The following RAD21L1 variants were observed in gnomAD, a reference collection of about 807,000 sequenced individuals.
RAD21L1 encodes the protein double-strand-break repair protein rad21-like protein 1.
RAD21L1 carries 47 observed loss-of-function variants against 69.0 expected under a neutral mutation model. The ratio of observed to expected loss-of-function variants is 0.68; its 90% CI spans 0.54 to 0.87. The LOEUF (loss-of-function observed/expected upper bound fraction) is 0.87. Ranked by LOEUF, RAD21L1 falls within the 40% of genes least tolerant of loss-of-function variation. RAD21L1 has a pLI of 0.00. For missense variants in RAD21L1, 583 were observed against 647.6 expected, an observed-to-expected ratio of 0.90 and a Z score of 1.08; for synonymous variants, 177 against 205.8, an observed-to-expected ratio of 0.86 and a Z score of 1.20.
rs1233972783 is a variant in RAD21L1 at position 1,229,940 on chromosome 20, A to C, written c.205A>C (p.Arg69=). ...TTTGGGAGTTGTTCGAATCTATAAC[A>C]GGAAGGCAAAATATCTTTTGGCAGA... ...LLLGVVRIYN[R]KAKYLLADCS... Residue 69 remains arginine (R), a synonymous_variant, in exon 3 of 14, where the codon AGG becomes CGG. Coordinates refer to ENST00000683101, the MANE Select transcript of RAD21L1 (RefSeq NM_001384355.1). 1.3e-6 allele frequency: 2 copies of C among 1,550,712 alleles called. No individual in the cohort carries two copies. Among genetic ancestry groups the C allele is most frequent in the Admixed American group, 3.9e-5 (2 of 50,994 alleles).
At chr20:1,226,942 C>T (rs1428686469) in intron 1 of RAD21L1, among the ~76,000 whole-genome samples, 1 of 152,182 alleles carries the variant, frequency 6.6e-6, no homozygotes, top group Admixed American at 6.5e-5. Context: ...CGGAGTCGCC[C>T]TCTGTCGCCC....
At chr20:1,243,812 G>A (rs1377122481) in intron 10 of RAD21L1, among the ~76,000 whole-genome samples, 5 of 152,174 alleles carry the variant, frequency 3.3e-5, no homozygotes, top group African/African-American at 9.7e-5. Flanking sequence ...GTGTGAGAGC[G>A]TGTGTAGAGG....
At chr20:1,241,700 T>G (rs1276329009) in intron 8 of RAD21L1, among the ~76,000 whole-genome samples, 1 of 152,114 alleles carries the variant, frequency 6.6e-6, no homozygotes, top group Non-Finnish European at 1.5e-5. Flanking sequence ...TACATAGCCT[T>G]GGGGATCATC....
At chr20:1,230,303 A>G (rs1408877469) in intron 3 of RAD21L1, among the ~76,000 whole-genome samples, 1 of 152,174 alleles carries the variant, frequency 6.6e-6, no homozygotes, top group East Asian at 1.9e-4. Flanking sequence ...TTAATGGGTC[A>G]TTTAGTTTGT....
chr20:1,254,692 G>T lies in RAD21L1; in HGVS notation c.*235G>T, dbSNP rs1030682327. On this transcript the variant is annotated 3_prime_UTR_variant, in exon 14 of 14. Coordinates refer to ENST00000683101, the MANE Select transcript of RAD21L1 (RefSeq NM_001384355.1). The stretch of plus-strand genomic sequence containing the variant: ...TTTTGTTGTTTTTTTAAGGACAAAG[G>T]TCTCACTATATTGCCCAGGCTGGAC... Among the ~76,000 whole-genome samples, 4 of 152,036 alleles carry T rather than the reference G, an allele frequency of 2.6e-5. No individual in the cohort carries two copies. Among genetic ancestry groups the T allele is most frequent in the South Asian group, 4.2e-4 (2 of 4,808 alleles).
intron 1 of RAD21L1, among the ~76,000 whole-genome samples, chr20:1,228,154 A>C (rs1488964574): frequency 6.6e-5 from 10 of 152,174 alleles, no homozygotes; most frequent in Non-Finnish European, 1.2e-4. Flanking sequence ...TTTTGGATAA[A>C]ATAAGTGACA....
Position 1,240,382 on chromosome 20 carries a change from A to G in RAD21L1, c.804A>G (p.Ile268Met), listed in dbSNP as rs2087582303. The G allele has an allele frequency of 6.5e-7, 1 of 1,550,040 alleles. No individual in the cohort carries two copies. The highest frequency in any genetic ancestry group is 1.2e-5 in the South Asian group (1 of 83,642). The change falls in exon 8 of 14, where the codon ATA becomes ATG. Residue 268 changes from isoleucine (I) to methionine (M), a missense_variant. Transcript: ENST00000683101. ...AAAATGAAAAAATGAATGAAACAATATTATTATCAACTGAAGAGGAAGGAT... is the reference window on the plus strand; with the variant it reads ...AAAATGAAAAAATGAATGAAACAATGTTATTATCAACTGAAGAGGAAGGAT... ...VPENEKMNET[I>M]LLSTEEEGFT...
At chr20:1,242,475 C>T (rs562681126) in intron 8 of RAD21L1, 144 bp from the exon 9 acceptor site, 245 of 648,970 alleles carry the variant, frequency 3.8e-4, no homozygotes, top group African/African-American at 3.4e-3. Flanking sequence ...CCAAGCAATC[C>T]GCCCACCTCA....
At chr20:1,227,852 T>C (rs1370919095) in intron 1 of RAD21L1, among the ~76,000 whole-genome samples, 1 of 152,198 alleles carries the variant, frequency 6.6e-6, no homozygotes, top group Non-Finnish European at 1.5e-5. Context: ...CTTTATGGAA[T>C]GGAAACTCCA....
intron 4 of RAD21L1, among the ~76,000 whole-genome samples, chr20:1,233,619 T>C (rs775056562): frequency 1.3e-5 from 2 of 152,176 alleles, no homozygotes; most frequent in African/African-American, 4.8e-5. Flanking sequence ...GATGGCCTGC[T>C]TCCTGATTCA....
At chr20:1,252,578 T>C (rs2087856453) in intron 13 of RAD21L1, among the ~76,000 whole-genome samples, 1 of 152,220 alleles carries the variant, frequency 6.6e-6, no homozygotes, top group Admixed American at 6.5e-5. Flanking sequence ...TCCACAGCAC[T>C]AGTGCCCTAA....
rs1261691653 is a variant in RAD21L1, at chr20:1,238,197, C to G, written c.629C>G (p.Ala210Gly). 1.3e-6 allele frequency: 2 copies of G among 1,515,072 alleles called. No homozygotes were observed. The highest frequency in any genetic ancestry group is 2.8e-5 in the African/African-American group (2 of 72,684). 93.9% of individuals were successfully genotyped at this position (1,515,072 alleles called of 1,614,324 possible). A position where few individuals can be genotyped will look rare whatever the true frequency, so the allele number is the denominator to read the frequency against. The change falls in exon 6 of 14, where the codon GCT becomes GGT. Residue 210 changes from alanine (A) to glycine (G), a missense_variant. Ala to Gly is a moderately conservative substitution (Grantham distance 60). Transcript: ENST00000683101. ...GGAGATGGGTTTGGAGATGAAGGAG[C>G]TGCAGGAGAAATGATTGGTATGCTA... ...DSGDGFGDEG[A>G]AGEMIDNLLQ...
intron 3 of RAD21L1, among the ~76,000 whole-genome samples, chr20:1,230,310 T>G (rs1030054379): frequency 5.9e-5 from 9 of 152,306 alleles, no homozygotes; most frequent in Admixed American, 4.6e-4. Flanking sequence ...GTCATTTAGT[T>G]TGTCGTGCCT....
At chr20:1,250,810 GT>G (rs1409321040) in intron 13 of RAD21L1, among the ~76,000 whole-genome samples, 6 of 151,946 alleles carry the variant, frequency 3.9e-5, no homozygotes, top group African/African-American at 1.5e-4. Context: ...CATTTTTATG[GT>G]TTTGTAATAT....
chr20:1,233,351 G>A (rs1168790774), intron 4 of RAD21L1, among the ~76,000 whole-genome samples: 1 of 152,164 alleles, frequency 6.6e-6, no homozygotes, highest in African/African-American at 2.4e-5. Flanking sequence ...TGAGGACTTA[G>A]TATTTGGTCA....
chr20:1,235,916 C>T (rs203533), intron 5 of RAD21L1, among the ~76,000 whole-genome samples: 1,826 of 152,182 alleles, frequency 0.012, 35 homozygotes, highest in African/African-American at 0.042. Flanking sequence ...TACAGGCATG[C>T]ACCTCCGCAC....
In RAD21L1 at chr20:1,246,487, AT is replaced by A. The variant is rs1292170366; in HGVS notation, c.1401+189del. On this transcript the variant is annotated intron_variant, in intron 12 of 13. Coordinates refer to ENST00000683101, the MANE Select transcript of RAD21L1 (RefSeq NM_001384355.1). This position sits in a 1 kb window ranked among gnomAD's most constrained non-coding sequence, Gnocchi z 4.6. Reference sequence around the variant, plus strand: ...TGATAAAATATTCTGAATTGCTCTGATTTTTTTGTCTTTCTTTAATTTCTTT... The same window carrying A: ...TGATAAAATATTCTGAATTGCTCTGATTTTTTGTCTTTCTTTAATTTCTTT... Among the ~76,000 whole-genome samples the A allele has an allele frequency of 6.6e-6, 1 of 152,046 alleles. No individual in the cohort carries two copies. The highest frequency in any genetic ancestry group is 2.4e-5 in the African/African-American group (1 of 41,412).
At chr20:1,230,903 T>C (rs1323484287) in intron 3 of RAD21L1, 1 of 184,480 alleles carries the variant, frequency 5.4e-6, no homozygotes, top group Non-Finnish European at 1.0e-5. Flanking sequence ...ATAAGATCCT[T>C]TTCAGTCAGG....
chr20:1,238,289 T>C, intron 6 of RAD21L1, 75 bp downstream of exon 6: 1 of 1,032,362 alleles, frequency 9.7e-7, no homozygotes, highest in African/African-American at 1.6e-5. Flanking sequence ...AGATTTATTA[T>C]ATCAATCTAA....
Sources: gnomAD v4.1 joint callset for allele counts (sites outside exome capture counted in the v4.1 genomes callset) on GRCh38, gnomAD v4.1.1 for gene constraint, Gnocchi (gnomAD v3.1) non-coding constraint, MANE v1.5 for transcripts, NCBI Gene and HGNC (gene_info 2026-07-23, HGNC 2026-07-21) for gene names.